Variants in FANCL observed in about 807,000 individuals in gnomAD.
FANCL encodes E3 ubiquitin-protein ligase FANCL.
Under a neutral mutation model 59.4 loss-of-function variants are expected in FANCL, and 69 were observed. The ratio of observed to expected loss-of-function variants is 1.16; its 90% CI spans 0.96 to 1.42. FANCL has a LOEUF of 1.42. FANCL is among the 40% of genes most tolerant of loss of function. The probability of loss-of-function intolerance (pLI) is 0.00; values close to 1 mark genes in which losing one functional copy is unlikely to be tolerated. For missense variants in FANCL, 519 were observed against 447.2 expected (o/e 1.16, Z -1.45); for synonymous variants, 180 against 147.1 (o/e 1.22, Z -1.62).
intron 4 of FANCL, among the ~76,000 whole-genome samples, chr2:58,222,388 A>G (rs1692571924): frequency 6.6e-6 from 1 of 152,094 alleles, no homozygotes; most frequent in Admixed American, 6.5e-5. Flanking sequence ...ATGATGTTTG[A>G]TATATACATT....
chr2:58,239,691 G>A (rs1694335882), intron 1 of FANCL, among the ~76,000 whole-genome samples: 1 of 152,120 alleles, frequency 6.6e-6, no homozygotes, highest in African/African-American at 2.4e-5. Context: ...TGAAATGTAT[G>A]CTCAAGTATT....
intron 7 of FANCL, among the ~76,000 whole-genome samples, chr2:58,183,744 C>T (rs1688143265): frequency 6.6e-6 from 1 of 151,864 alleles, no homozygotes; most frequent in South Asian, 2.1e-4. Flanking sequence ...TGATCTGTTA[C>T]CCATCCTTTC....
chr2:58,211,837 C>T (rs1691195781), intron 5 of FANCL, among the ~76,000 whole-genome samples: 2 of 152,162 alleles, frequency 1.3e-5, no homozygotes, highest in Non-Finnish European at 2.9e-5. Flanking sequence ...AATTCCTCAC[C>T]TCCATCTGAG....
chr2:58,220,524 T>C (rs1000324446), intron 5 of FANCL, among the ~76,000 whole-genome samples: 1 of 152,252 alleles, frequency 6.6e-6, no homozygotes, highest in Non-Finnish European at 1.5e-5. Flanking sequence ...AGTGCATTTT[T>C]ATCACCTCTA....
intron 5 of FANCL, among the ~76,000 whole-genome samples, chr2:58,206,264 A>G (rs1428315438): frequency 6.6e-6 from 1 of 152,178 alleles, no homozygotes; most frequent in Non-Finnish European, 1.5e-5. Flanking sequence ...CATTAGCTAA[A>G]TTCTTTTTCA....
intron 6 of FANCL, among the ~76,000 whole-genome samples, chr2:58,203,450 A>C (rs1690253845): frequency 6.6e-6 from 1 of 151,908 alleles, no homozygotes; most frequent in South Asian, 2.1e-4. Flanking sequence ...TCAAATTCTC[A>C]TGTTTCTCCA....
At chr2:58,187,395 TCA>T (rs1457067084) in intron 7 of FANCL, among the ~76,000 whole-genome samples, 1 of 118,434 alleles carries the variant, frequency 8.4e-6, no homozygotes, top group African/African-American at 3.3e-5. Flanking sequence ...GCAAGGAACA[TCA>T]CACACTGGGG....
Position 58,217,373 on chromosome 2 carries a change from G to C in FANCL, c.374+4569C>G, listed in dbSNP as rs1691945026. Among the ~76,000 whole-genome samples, 3 of 150,696 alleles carry C rather than the reference G, an allele frequency of 2.0e-5. No individual in the cohort carries two copies. In the South Asian group the frequency reaches 6.3e-4, roughly 32 times the overall value. On this transcript the variant is annotated intron_variant, in intron 5 of 13. Coordinates refer to ENST00000233741, the MANE Select transcript of FANCL (RefSeq NM_018062.4). ...TGTGCTCCCTCTGGAGGCTCTAGGA[G>C]AGAATCTATTCCTTGCCTCTTCCAG...
intron 5 of FANCL, among the ~76,000 whole-genome samples, chr2:58,219,173 TATATATA>T: frequency 2.8e-5 from 1 of 35,496 alleles, no homozygotes; most frequent in African/African-American, 1.6e-4. Context: ...AAAAAAAAAA[TATATATA>T]TATATATATA....
rs770953260 is a variant in FANCL, at chr2:58,167,859, G to C, written c.541-1985C>G. On this transcript the variant is annotated intron_variant, in intron 7 of 13. Coordinates refer to ENST00000233741, the MANE Select transcript of FANCL (RefSeq NM_018062.4). Reference sequence around the variant, plus strand: ...CTCTTAGCAATTTCAACGAACTTAGGGGGTAGACATCAAAACTATTATATC... The same window carrying C: ...CTCTTAGCAATTTCAACGAACTTAGCGGGTAGACATCAAAACTATTATATC... Among the ~76,000 whole-genome samples the C allele has an allele frequency of 5.3e-5, 8 of 152,184 alleles. No homozygotes were observed. The South Asian group carries it at 1.0e-3, about 20-fold the overall frequency.
intron 13 of FANCL, 98 bp from the exon 14 acceptor site, chr2:58,159,898 C>G: frequency 6.4e-7 from 1 of 1,562,408 alleles, no homozygotes; most frequent in Non-Finnish European, 8.6e-7. Flanking sequence ...TGTCATAGTA[C>G]AGTTTGGAAA....
chr2:58,230,308 TA>T (rs1260387216), intron 2 of FANCL, among the ~76,000 whole-genome samples: 3 of 152,170 alleles, frequency 2.0e-5, no homozygotes, highest in African/African-American at 7.2e-5. Flanking sequence ...ATTTTATTTT[TA>T]TTTTTTATTT....
chr2:58,198,481 G>A (rs1689662856), intron 7 of FANCL, 113 bp downstream of exon 7: 2 of 815,366 alleles, frequency 2.5e-6, no homozygotes, highest in African/African-American at 1.7e-5. Context: ...GGTATGCATG[G>A]ATTTTGGTAT....
chr2:58,220,402 A>C (rs530888966), intron 5 of FANCL, among the ~76,000 whole-genome samples: 2 of 140,546 alleles, frequency 1.4e-5, no homozygotes, highest in African/African-American at 5.3e-5. Context: ...AAGGGAAAAA[A>C]TTGATCTACA....
Position 58,241,288 on chromosome 2 carries a change from A to T in FANCL, c.26T>A (p.Leu9Ter). The stretch of plus-strand genomic sequence containing the variant: ...GGGCAGAAGCAGGGGGCACTGGCGC[A>T]ACAGGCTCGCTTCCGTCACCGCCAT... MAVTEASL[L>*]RQCPLLLPQN... The change falls in exon 1 of 14, where the codon TTG becomes TAG. Residue 9 changes from leucine to a stop codon, truncating the protein, a stop_gained. Coordinates refer to ENST00000233741, the MANE Select transcript of FANCL (RefSeq NM_018062.4). LOFTEE classifies it high-confidence loss of function. The T allele has an allele frequency of 1.2e-6, 2 of 1,614,254 alleles. No individual in the cohort carries two copies. The highest frequency in any genetic ancestry group is 1.7e-6 in the Non-Finnish European group (2 of 1,180,038).
At chr2:58,221,856 C>G in intron 5 of FANCL, 86 bp downstream of exon 5, 1 of 893,042 alleles carries the variant, frequency 1.1e-6, no homozygotes, top group South Asian at 1.4e-5. Context: ...TGACTAAAAT[C>G]AGGTATAAAC....
chr2:58,206,311 T>A (rs1310883948), intron 5 of FANCL, among the ~76,000 whole-genome samples: 1 of 151,804 alleles, frequency 6.6e-6, no homozygotes, highest in African/African-American at 2.4e-5. Flanking sequence ...TAAAGAAATA[T>A]TGCATGTAGG....
chr2:58,241,108 C>T (rs1694499603), intron 1 of FANCL, 110 bp downstream of exon 1: 1 of 1,191,034 alleles, frequency 8.4e-7, no homozygotes, highest in Admixed American at 1.9e-5. Flanking sequence ...CGCCGCCCCT[C>T]TCAATCCCCA....
intron 1 of FANCL, among the ~76,000 whole-genome samples, chr2:58,240,729 G>C (rs1159667851): frequency 6.6e-6 from 1 of 152,172 alleles, no homozygotes; most frequent in Non-Finnish European, 1.5e-5. Flanking sequence ...TATTGTAACT[G>C]TGGGTGTACA....
Sources: gnomAD v4.1 joint callset for allele counts (sites outside exome capture counted in the v4.1 genomes callset) on GRCh38, gnomAD v4.1.1 for gene constraint, MANE v1.5 for transcripts, NCBI Gene and HGNC (gene_info 2026-07-23, HGNC 2026-07-21) for gene names.